The following IMMP2L variants were observed in gnomAD, a reference collection of about 807,000 sequenced individuals.
IMMP2L encodes inner mitochondrial membrane peptidase subunit 2, also known as mitochondrial inner membrane protease subunit 2.
Under a neutral mutation model 19.3 loss-of-function variants are expected in IMMP2L, and 18 were observed. That is an observed-to-expected ratio of 0.93 (90% CI 0.64 to 1.38). IMMP2L has a LOEUF of 1.38. Among genes scored for constraint, IMMP2L ranks in the 40% most tolerant of loss-of-function variants. The probability of loss-of-function intolerance (pLI) is 0.00; values close to 1 mark genes in which losing one functional copy is unlikely to be tolerated. For missense variants in IMMP2L, 233 were observed against 218.2 expected, an observed-to-expected ratio of 1.07 and a Z score of -0.43; for synonymous variants, 76 against 73.0, an observed-to-expected ratio of 1.04 and a Z score of -0.21.
intron 3 of IMMP2L, among the ~76,000 whole-genome samples, chr7:111,169,151 T>A (rs1806157000): frequency 6.6e-6 from 1 of 151,888 alleles, no homozygotes; most frequent in African/African-American, 2.4e-5. Flanking sequence ...TATATTTTGT[T>A]AAAGATTTAT....
intron 4 of IMMP2L, among the ~76,000 whole-genome samples, chr7:110,947,095 ATATT>A (rs1817332896): frequency 6.6e-6 from 1 of 152,192 alleles, no homozygotes; most frequent in Non-Finnish European, 1.5e-5. Context: ...AATGCATAAA[ATATT>A]CATTCTTTTA....
chr7:110,819,025 T>C (rs763033497), intron 5 of IMMP2L, among the ~76,000 whole-genome samples: 9 of 151,356 alleles, frequency 5.9e-5, no homozygotes, highest in Non-Finnish European at 1.2e-4. Flanking sequence ...CGACTTAATA[T>C]GTGCAGCACA....
At chr7:110,786,508 C>A (rs1343078362) in intron 5 of IMMP2L, among the ~76,000 whole-genome samples, 1 of 151,922 alleles carries the variant, frequency 6.6e-6, no homozygotes, top group Non-Finnish European at 1.5e-5. Context: ...TTTTAGGGGG[C>A]CTCCTGTAGG....
intron 5 of IMMP2L, among the ~76,000 whole-genome samples, chr7:110,861,145 CAG>C (rs1264645548): frequency 7.6e-6 from 1 of 131,636 alleles, no homozygotes; most frequent in Non-Finnish European, 1.7e-5. Context: ...GACAGAGAGA[CAG>C]AGACAGAGAG....
intron 3 of IMMP2L, among the ~76,000 whole-genome samples, chr7:111,437,743 C>A (rs1283471212): frequency 2.0e-5 from 3 of 151,634 alleles, no homozygotes; most frequent in Non-Finnish European, 4.4e-5. Context: ...TCTGTCTGGC[C>A]CACTGGAATG....
chr7:110,808,160 A>C (rs1427420782), intron 5 of IMMP2L, among the ~76,000 whole-genome samples: 1 of 152,084 alleles, frequency 6.6e-6, no homozygotes, highest in Non-Finnish European at 1.5e-5. Flanking sequence ...ATACATATTC[A>C]AATAAAGATA....
intron 3 of IMMP2L, among the ~76,000 whole-genome samples, chr7:111,038,363 T>C (rs928816113): frequency 2.6e-5 from 4 of 152,292 alleles, no homozygotes; most frequent in Admixed American, 6.5e-5. Context: ...CCTACTTAGT[T>C]ACTGTTGAGG....
At position 111,160,977 on chromosome 7, in the gene IMMP2L, A is replaced by G. The variant is rs117766659; in HGVS notation, c.240-197412T>C. 3.0e-4 allele frequency among the ~76,000 whole-genome samples: 46 copies of G among 151,818 alleles called. No individual in the cohort carries two copies. The East Asian group carries it at 4.8e-3, about 16-fold the overall frequency. On this transcript the variant is annotated intron_variant, in intron 3 of 5. Transcript: ENST00000405709. ...GAATTCTGTGAATAATTATCTGCCA[A>G]TAAGTTGAAAAAATGTCATTAAATA... is the stretch of plus-strand genomic sequence containing the variant.
At chr7:111,029,428 T>G (rs1435512478) in intron 3 of IMMP2L, among the ~76,000 whole-genome samples, 1 of 152,156 alleles carries the variant, frequency 6.6e-6, no homozygotes, top group Non-Finnish European at 1.5e-5. Context: ...AAAGGTCAAG[T>G]GACATATTTA....
chr7:111,357,453 TAAGATGACCATA>T, intron 3 of IMMP2L, among the ~76,000 whole-genome samples: 1 of 152,252 alleles, frequency 6.6e-6, no homozygotes, highest in African/African-American at 2.4e-5. Context: ...CATATCAGAT[TAAGATGACCATA>T]AATGCAGTTA....
intron 3 of IMMP2L, among the ~76,000 whole-genome samples, chr7:111,158,515 G>A (rs1017811071): frequency 2.0e-5 from 3 of 152,012 alleles, no homozygotes; most frequent in African/African-American, 4.8e-5. Flanking sequence ...ATTTCTAAAC[G>A]AAAAACTGTT....
At chr7:110,892,584 T>C (rs1199885972) in intron 4 of IMMP2L, among the ~76,000 whole-genome samples, 1 of 152,144 alleles carries the variant, frequency 6.6e-6, no homozygotes, top group Admixed American at 6.6e-5. Flanking sequence ...CCACTACAAA[T>C]GCAGGTTCTG....
chr7:111,159,308 G>A (rs1445898021), intron 3 of IMMP2L, among the ~76,000 whole-genome samples: 9 of 152,020 alleles, frequency 5.9e-5, no homozygotes, highest in Admixed American at 5.2e-4. Context: ...TAGAGATGGG[G>A]TTTCACCATG....
At chr7:110,916,924 T>C (rs1258380644) in intron 4 of IMMP2L, among the ~76,000 whole-genome samples, 1 of 152,174 alleles carries the variant, frequency 6.6e-6, no homozygotes, top group Non-Finnish European at 1.5e-5. Context: ...GCAGTTGGTA[T>C]AGTGGTCCCC....
chr7:111,372,915 T>C (rs555576461), intron 3 of IMMP2L, among the ~76,000 whole-genome samples: 122 of 152,142 alleles, frequency 8.0e-4, no homozygotes, highest in Admixed American at 4.1e-3. Flanking sequence ...AGTCTACACA[T>C]TGAAGATGAA....
chr7:111,442,621 C>T (rs780052239), intron 3 of IMMP2L, among the ~76,000 whole-genome samples: 8 of 151,562 alleles, frequency 5.3e-5, no homozygotes, highest in Non-Finnish European at 8.8e-5. Context: ...AAGTGTCAAC[C>T]GCAATATGTC....
chr7:111,467,216 C>T (rs1840760133), intron 3 of IMMP2L, among the ~76,000 whole-genome samples: 1 of 152,138 alleles, frequency 6.6e-6, no homozygotes. Flanking sequence ...CTCTATGTGC[C>T]TCAGTTTCCT....
chr7:110,863,249 A>T (rs1294008380), intron 5 of IMMP2L, among the ~76,000 whole-genome samples: 3 of 151,986 alleles, frequency 2.0e-5, no homozygotes, highest in Non-Finnish European at 4.4e-5. Flanking sequence ...CTCACTTTAC[A>T]TGTTGGTCAT....
intron 2 of IMMP2L, among the ~76,000 whole-genome samples, chr7:111,512,612 C>G (rs1728876026): frequency 6.6e-6 from 1 of 151,922 alleles, no homozygotes; most frequent in Admixed American, 6.6e-5. Context: ...CAACACAATC[C>G]TAAATTCATA....
Sources: gnomAD v4.1 joint callset for allele counts (sites outside exome capture counted in the v4.1 genomes callset) on GRCh38, gnomAD v4.1.1 for gene constraint, MANE v1.5 for transcripts, NCBI Gene and HGNC (gene_info 2026-07-23, HGNC 2026-07-21) for gene names.